Variants in C1QTNF9 observed in about 807,000 individuals in gnomAD.
C1QTNF9 encodes C1q and TNF related 9, also known as complement C1q and tumor necrosis factor-related protein 9A.
C1QTNF9 carries 6 observed loss-of-function variants against 10.1 expected under a neutral mutation model. The ratio of observed to expected loss-of-function variants is 0.59; its 90% confidence interval spans 0.32 to 1.17. C1QTNF9 has a LOEUF of 1.17. Ranked by LOEUF, C1QTNF9 falls within the 50% of genes most tolerant of loss-of-function variation. The pLI is 0.04. For missense variants in C1QTNF9, 201 were observed against 418.8 expected (o/e 0.48, Z 4.54); for synonymous variants, 98 against 163.5 (o/e 0.60, Z 3.06).
At chr13:24,307,545 G>A (rs1003622084), upstream of C1QTNF9, among the ~76,000 whole-genome samples, 1 of 152,244 alleles carries the variant, frequency 6.6e-6, no homozygotes, top group Admixed American at 6.5e-5. Context: ...ATCAGAAAAG[G>A]ATTCCTATGA....
chr13:24,317,374 G>A (rs1359174545), intron 2 of C1QTNF9, among the ~76,000 whole-genome samples: 1 of 151,824 alleles, frequency 6.6e-6, no homozygotes, highest in African/African-American at 2.4e-5. Flanking sequence ...AAAAAATAGA[G>A]GACAAAGACA....
At chr13:24,320,961 C>T in intron 3 of C1QTNF9, 35 bp from the exon 4 acceptor site, 1 of 1,568,470 alleles carries the variant, frequency 6.4e-7, no homozygotes. Flanking sequence ...GAATCTTTCA[C>T]AAGCTATCTC....
Position 24,320,878 on chromosome 13 carries a change from A to G in C1QTNF9, c.230-118A>G, listed in dbSNP as rs1056418968. 4 of 1,004,714 alleles carry G rather than the reference A, an allele frequency of 4.0e-6. No homozygotes were observed. The Admixed American group carries it at 8.0e-5, about 20-fold the overall frequency. 62.2% of individuals were successfully genotyped at this position (1,004,714 alleles called of 1,614,324 possible). A position where few individuals can be genotyped will look rare whatever the true frequency, so the allele number is the denominator to read the frequency against. ...AGTAATTGAATTTTAAACTCTGGGC[A>G]TATACTGAACCTGTGCACTACTTTG... On this transcript the variant is annotated intron_variant, in intron 3 of 3. Transcript: ENST00000332018.
At chr13:24,314,969 C>G (rs1877972857) in intron 1 of C1QTNF9, among the ~76,000 whole-genome samples, 1 of 151,886 alleles carries the variant, frequency 6.6e-6, no homozygotes, top group African/African-American at 2.4e-5. Flanking sequence ...AAGAACACCT[C>G]TCACTACAGT....
intron 2 of C1QTNF9, among the ~76,000 whole-genome samples, chr13:24,317,155 T>C (rs1259064688): frequency 6.6e-6 from 1 of 152,142 alleles, no homozygotes; most frequent in Non-Finnish European, 1.5e-5. Flanking sequence ...TCATTGACAC[T>C]GTTCCAGTCC....
At chr13:24,311,940 C>T (rs1436052321) in intron 1 of C1QTNF9, among the ~76,000 whole-genome samples, 5 of 152,174 alleles carry the variant, frequency 3.3e-5, no homozygotes, top group African/African-American at 9.7e-5. Flanking sequence ...CACAATTACA[C>T]GTCTCACTTT....
intron 1 of C1QTNF9, among the ~76,000 whole-genome samples, chr13:24,310,600 GA>G (rs71716156): frequency 0.46 from 69,510 of 151,182 alleles, 16,806 homozygotes; most frequent in African/African-American, 0.62. Context: ...TACAGTGCAG[GA>G]AAAAAATAAC....
intron 1 of C1QTNF9, among the ~76,000 whole-genome samples, chr13:24,314,380 A>G (rs573249889): frequency 1.3e-5 from 2 of 148,664 alleles, no homozygotes; most frequent in East Asian, 3.9e-4. Context: ...TCTCCAAAGA[A>G]AAAAAAAAAA....
chr13:24,318,676 TG>T lies in C1QTNF9; in HGVS notation c.167-141del, dbSNP rs1189271121. The stretch of plus-strand genomic sequence containing the variant: ...CCGCTCATGCCTGCCTCTCTCCACC[TG>T]CGCTTGTGTGGAGGACAGAGTGCCC... On this transcript the variant is annotated intron_variant, in intron 2 of 3. Transcript: ENST00000332018. The T allele has an allele frequency of 3.1e-6, 3 of 975,846 alleles. No homozygotes were observed. In the African/African-American group the frequency reaches 4.8e-5, roughly 16 times the overall value. The allele number at this position is 975,846 out of a possible 1,614,324, so 60.4% of individuals were successfully genotyped here. A position where few individuals can be genotyped will look rare whatever the true frequency, so the allele number is the denominator to read the frequency against.
Position 24,315,837 on chromosome 13 carries a change from G to A in C1QTNF9, c.-22-145G>A. On this transcript the variant is annotated intron_variant, in intron 1 of 3. Coordinates refer to ENST00000332018, the Ensembl canonical transcript of C1QTNF9. ...CTGGTTATAATCAGCTTGCTCCCCT[G>A]CCCTGAGCCTTCTGTCCAAGTTTGT... 3.7e-6 allele frequency: 3 copies of A among 814,148 alleles called. No individual in the cohort carries two copies. In the South Asian group the frequency reaches 5.5e-5, roughly 15 times the overall value. 50.4% of individuals were successfully genotyped at this position (814,148 alleles called of 1,614,324 possible).
chr13:24,311,099 A>G (rs1028539780), intron 1 of C1QTNF9, among the ~76,000 whole-genome samples: 3 of 152,086 alleles, frequency 2.0e-5, no homozygotes, highest in African/African-American at 7.2e-5. Flanking sequence ...TGAGGTTTGG[A>G]AACCCAGGAG....
chr13:24,312,572 C>A (rs927740982), intron 1 of C1QTNF9, among the ~76,000 whole-genome samples: 1 of 152,104 alleles, frequency 6.6e-6, no homozygotes, highest in Admixed American at 6.6e-5. Context: ...AATATAATTT[C>A]TTCTATATTC....
At chr13:24,316,362 G>C (rs191685423) in intron 2 of C1QTNF9, among the ~76,000 whole-genome samples, 193 bp downstream of exon 2, 12 of 152,136 alleles carry the variant, frequency 7.9e-5, no homozygotes, top group African/African-American at 2.9e-4. Flanking sequence ...CACTCACGGG[G>C]TCTGCTCCAT....
intron 1 of C1QTNF9, 174 bp from the exon 2 acceptor site, chr13:24,315,808 C>A (rs1877998346): frequency 3.1e-6 from 2 of 645,924 alleles, no homozygotes; most frequent in Non-Finnish European, 5.2e-6. Flanking sequence ...AGGACAGTGT[C>A]ATTCTGGTTA....
chr13:24,312,109 C>T (rs551705802), intron 1 of C1QTNF9, among the ~76,000 whole-genome samples: 8 of 152,284 alleles, frequency 5.3e-5, no homozygotes, highest in South Asian at 4.2e-4. Context: ...AGCAACTCCA[C>T]GAAAGCACTG....
chr13:24,320,840 T>C (rs12857801), intron 3 of C1QTNF9, among the ~76,000 whole-genome samples, 156 bp from the exon 4 acceptor site: 102,639 of 150,526 alleles, frequency 0.68, 36,208 homozygotes, highest in Non-Finnish European at 0.77. Context: ...TGTGAGCCAC[T>C]GCACCCAGAT....
At chr13:24,315,078 C>A (rs1223736114) in intron 1 of C1QTNF9, among the ~76,000 whole-genome samples, 2 of 151,946 alleles carry the variant, frequency 1.3e-5, no homozygotes, top group African/African-American at 4.8e-5. Context: ...CCAGCTTAAC[C>A]ATCTTAAGGG....
At chr13:24,313,977 A>T (rs1275349730) in intron 1 of C1QTNF9, among the ~76,000 whole-genome samples, 1 of 152,258 alleles carries the variant, frequency 6.6e-6, no homozygotes, top group East Asian at 1.9e-4. Flanking sequence ...TACACATAGT[A>T]AACCTTTCCC....
At chr13:24,314,887 G>A (rs1338993410) in intron 1 of C1QTNF9, among the ~76,000 whole-genome samples, 4 of 123,506 alleles carry the variant, frequency 3.2e-5, no homozygotes, top group African/African-American at 6.1e-5. Flanking sequence ...CATTTCTCCC[G>A]AACTAGGTGA....
Sources: gnomAD v4.1 joint callset for allele counts (sites outside exome capture counted in the v4.1 genomes callset) on GRCh38, gnomAD v4.1.1 for gene constraint, MANE v1.5 for transcripts, NCBI Gene and HGNC (gene_info 2026-07-23, HGNC 2026-07-21) for gene names.